LYST: variants seen among roughly 807,000 people sequenced by gnomAD.
The protein encoded by LYST is lysosomal trafficking regulator.
A neutral mutation model predicts 413.6 loss-of-function variants in LYST; 192 were observed. The observed-to-expected ratio is 0.46, with a 90% CI of 0.41 to 0.52. The LOEUF is 0.52. LYST is among the 20% of genes least tolerant of loss of function. The pLI is 0.00. For missense variants in LYST, 3,815 were observed against 4,499.9 expected, an observed-to-expected ratio of 0.85 and a Z score of 4.35; for synonymous variants, 1,525 against 1,567.3, an observed-to-expected ratio of 0.97 and a Z score of 0.64.
chr1:235,773,855 C>T lies in LYST; in HGVS notation c.5771G>A (p.Trp1924Ter). Residue 1924 changes from tryptophan to a stop codon, truncating the protein, a stop_gained, in exon 19 of 53, where the codon TGG becomes TAG. Coordinates refer to ENST00000389793, the MANE Select transcript of LYST (RefSeq NM_000081.4). LOFTEE classifies it high-confidence loss of function. ...LEELLLDWKI[W>*]SKAEQGVWET... ...CATATTACATGCCTCTGCTTTACTC[C>T]ATATCTTCCAGTCAAGCAATAGTTC... The T allele has an allele frequency of 6.2e-7, 1 of 1,612,260 alleles. No homozygotes were observed. Among genetic ancestry groups the T allele is most frequent in the Non-Finnish European group, 8.5e-7 (1 of 1,178,554 alleles).
intron 38 of LYST, among the ~76,000 whole-genome samples, chr1:235,726,389 T>G (rs1399001735): frequency 6.6e-6 from 1 of 152,216 alleles, no homozygotes; most frequent in Non-Finnish European, 1.5e-5. Flanking sequence ...TGTAATATTT[T>G]CATACTTAAA....
intron 50 of LYST, among the ~76,000 whole-genome samples, chr1:235,669,525 G>A (rs1658757167): frequency 6.6e-6 from 1 of 152,124 alleles, no homozygotes; most frequent in South Asian, 2.1e-4. Flanking sequence ...GCCTACGATT[G>A]GTTGCAAAAA....
At position 235,809,788 on chromosome 1, in the gene LYST, T is replaced by C. The variant is rs1415998480; in HGVS notation, c.1030A>G (p.Met344Val). 2 of 1,614,084 alleles carry C rather than the reference T, an allele frequency of 1.2e-6. No homozygotes were observed. Among genetic ancestry groups the C allele is most frequent in the East Asian group, 2.2e-5 (1 of 44,854 alleles). Residue 344 changes from methionine (M) to valine (V), a missense_variant, in exon 5 of 53, where the codon ATG (methionine) becomes GTG (valine). Met to Val is a conservative substitution (Grantham distance 21, BLOSUM62 1). This residue lies in a region of LYST where 1,648 missense variants were observed against 1,810.3 expected (regional missense o/e 0.91). Coordinates refer to ENST00000389793, the MANE Select transcript of LYST (RefSeq NM_000081.4). This position sits in a 1 kb window ranked among gnomAD's most constrained non-coding sequence, Gnocchi z 4.0. ...TTTTTCCTAAGATTTTCTGGCATCA[T>C]CTCTGCAGTACTAACATCTACTGAC... ...LLSVDVSTAE[M>V]MPENLRKNLT... is the part of the protein sequence containing the mutation.
At position 235,759,258 on chromosome 1, in the gene LYST, C is replaced by G. The variant is rs1051027472; in HGVS notation, c.6595G>C (p.Val2199Leu). ...DVPKGVLGFPVVKADHKQLGA... is the reference protein window; with the variant it reads ...DVPKGVLGFPLVKADHKQLGA... ...AACTGTTTATGATCTGCTTTGACCACTGGAAATCCCAGCACTCCCTTTGGG... is the reference window on the plus strand; with the variant it reads ...AACTGTTTATGATCTGCTTTGACCAGTGGAAATCCCAGCACTCCCTTTGGG... Residue 2199 changes from valine to leucine, a missense_variant, in exon 23 of 53, where the codon GTG (valine) becomes CTG (leucine). By Grantham distance (32) the Val-to-Leu change is conservative (BLOSUM62 1). Around this residue, in one of 4 missense-constraint regions of LYST, gnomAD observed 771 missense variants for 837.1 expected, o/e 0.92. Coordinates refer to ENST00000389793, the MANE Select transcript of LYST (RefSeq NM_000081.4). 1.2e-6 allele frequency: 2 copies of G among 1,614,176 alleles called. No homozygotes were observed. Among genetic ancestry groups the G allele is most frequent in the Admixed American group, 3.3e-5 (2 of 59,982 alleles).
At chr1:235,752,748 C>T (rs1366011796) in intron 26 of LYST, among the ~76,000 whole-genome samples, 6 of 151,888 alleles carry the variant, frequency 4.0e-5, no homozygotes, top group Non-Finnish European at 7.4e-5. Context: ...CCTCAATGTA[C>T]GATATTAGGC....
intron 47 of LYST, among the ~76,000 whole-genome samples, chr1:235,691,131 G>A (rs1182053494): frequency 6.6e-6 from 1 of 152,056 alleles, no homozygotes; most frequent in African/African-American, 2.4e-5. Flanking sequence ...TGTTAGCCAG[G>A]ATGGTCTCGA....
chr1:235,742,910 G>T (rs1665560425), intron 30 of LYST, among the ~76,000 whole-genome samples: 2 of 152,056 alleles, frequency 1.3e-5, no homozygotes. Context: ...TGTAAAAAGG[G>T]AGAGACTACA....
At chr1:235,720,601 A>G (rs923492897) in intron 40 of LYST, 60 bp downstream of exon 40, 4 of 1,558,138 alleles carry the variant, frequency 2.6e-6, no homozygotes, top group Non-Finnish European at 3.5e-6. Flanking sequence ...TGAAAACTTT[A>G]ATAAAGAAAT....
At chr1:235,729,234 CAT>C (rs1370083729) in intron 37 of LYST, among the ~76,000 whole-genome samples, 1 of 152,098 alleles carries the variant, frequency 6.6e-6, no homozygotes, top group African/African-American at 2.4e-5. Flanking sequence ...TTAAAATAGA[CAT>C]ATTTCTTATG....
Position 235,734,558 on chromosome 1 carries a change from A to T in LYST, c.8460T>A (p.Ala2820=). Reference sequence around the variant, plus strand: ...TGCACTTGTGACCACATAACTTCAAAGCATTCATAAGCAGTTCTGCTGTGC... The same window carrying T: ...TGCACTTGTGACCACATAACTTCAATGCATTCATAAGCAGTTCTGCTGTGC... ...ELGTAELLMN[A]LKLCGHKCIP... is the part of the protein sequence containing the mutation. The change falls in exon 32 of 53, where the codon GCT becomes GCA. Residue 2820 remains alanine (A), a synonymous_variant. Coordinates refer to ENST00000389793, the MANE Select transcript of LYST (RefSeq NM_000081.4). The T allele has an allele frequency of 6.2e-7, 1 of 1,613,582 alleles. No homozygotes were observed. The highest frequency in any genetic ancestry group is 8.5e-7 in the Non-Finnish European group (1 of 1,179,516).
chr1:235,806,308 C>A lies in LYST; in HGVS notation c.2828G>T (p.Cys943Phe), dbSNP rs757766276. ...ASEPLSHMLP[C>F]ISLESLVLPS... ...CAAGACAAGGCTCTCGAGAGATATA[C>A]ATGGCAGCATATGACTTAAAGGCTC... Residue 943 changes from cysteine to phenylalanine, a missense_variant, in exon 6 of 53, where the codon TGT becomes TTT. Cys to Phe is a radical substitution (Grantham distance 205). Coordinates refer to ENST00000389793, the MANE Select transcript of LYST (RefSeq NM_000081.4). 3 of 1,614,014 alleles carry A rather than the reference C, an allele frequency of 1.9e-6. No individual in the cohort carries two copies. The South Asian group carries it at 3.3e-5, about 18-fold the overall frequency.
chr1:235,691,191 A>G (rs1572005528), intron 47 of LYST, among the ~76,000 whole-genome samples: 1 of 152,228 alleles, frequency 6.6e-6, no homozygotes, highest in African/African-American at 2.4e-5. Context: ...GCGCTGGGAT[A>G]ACAGGCTTGA....
At chr1:235,862,525 G>A (rs975933152) in intron 1 of LYST, among the ~76,000 whole-genome samples, 3 of 152,180 alleles carry the variant, frequency 2.0e-5, no homozygotes, top group Non-Finnish European at 2.9e-5. Context: ...GCCGGGTGCG[G>A]TGGCTCATGC....
chr1:235,827,841 A>G, intron 3 of LYST: 1 of 800,438 alleles, frequency 1.2e-6, no homozygotes, highest in Non-Finnish European at 1.5e-6. Flanking sequence ...AAAGTATTCT[A>G]TTTACCATAT....
intron 3 of LYST, chr1:235,828,021 T>G (rs994778365): frequency 9.4e-6 from 4 of 425,976 alleles, no homozygotes; most frequent in African/African-American, 8.6e-5. Flanking sequence ...AATGAAAAAA[T>G]GCTCAACATC....
chr1:235,663,283 G>C (rs3754230), intron 52 of LYST, among the ~76,000 whole-genome samples: 1 of 152,006 alleles, frequency 6.6e-6, no homozygotes, highest in Admixed American at 6.6e-5. Flanking sequence ...TCATAAATGC[G>C]GTGATATAGA....
At chr1:235,859,305 C>A (rs1277828466) in intron 1 of LYST, among the ~76,000 whole-genome samples, 1 of 152,114 alleles carries the variant, frequency 6.6e-6, no homozygotes, top group Non-Finnish European at 1.5e-5. Flanking sequence ...CTTCAATGGT[C>A]CCTTTCCCTC....
Position 235,751,262 on chromosome 1 carries a change from C to T in LYST, c.7728G>A (p.Gln2576=), listed in dbSNP as rs1195846665. ...HDSENLTDSL[Q]SPSAPHHAVV... is the part of the protein sequence containing the mutation. ...CTGCATGATGGGGAGCAGAAGGTGA[C>T]TGGAGTGAATCTGTGAGGTTTTCAG... The change falls in exon 28 of 53, where the codon CAG becomes CAA. Residue 2576 remains glutamine, a synonymous_variant. Coordinates refer to ENST00000389793, the MANE Select transcript of LYST (RefSeq NM_000081.4). 3.7e-6 allele frequency: 6 copies of T among 1,613,600 alleles called. No homozygotes were observed. Among genetic ancestry groups the T allele is most frequent in the African/African-American group, 2.7e-5 (2 of 74,880 alleles).
chr1:235,730,216 A>G (rs1026570060), intron 36 of LYST, among the ~76,000 whole-genome samples: 2 of 152,036 alleles, frequency 1.3e-5, no homozygotes, highest in Non-Finnish European at 2.9e-5. Context: ...AATGGGTATA[A>G]TAACAACCAC....
Sources: gnomAD v4.1 joint callset for allele counts (sites outside exome capture counted in the v4.1 genomes callset) on GRCh38, gnomAD v4.1.1 for gene constraint, gnomAD v4.1.1 regional missense constraint, Gnocchi (gnomAD v3.1) non-coding constraint, MANE v1.5 for transcripts, NCBI Gene and HGNC (gene_info 2026-07-23, HGNC 2026-07-21) for gene names.